Variants in SH3RF3 observed in about 807,000 individuals in gnomAD.
SH3RF3 encodes E3 ubiquitin-protein ligase SH3RF3.
SH3RF3 carries 29 observed loss-of-function variants against 66.3 expected under a neutral mutation model. The ratio of observed to expected loss-of-function variants is 0.44; its 90% CI spans 0.33 to 0.60. SH3RF3 has a LOEUF of 0.60. SH3RF3 is among the 20% of genes least tolerant of loss of function. The pLI, the probability that SH3RF3 is intolerant of heterozygous loss-of-function variation, is 0.04. For missense variants in SH3RF3, 1,194 were observed against 1,190.9 expected (o/e 1.00, Z -0.04); for synonymous variants, 583 against 532.0 (o/e 1.10, Z -1.32).
At chr2:109,289,266 A>G (rs919181511) in intron 1 of SH3RF3, among the ~76,000 whole-genome samples, 1 of 152,208 alleles carries the variant, frequency 6.6e-6, no homozygotes, top group Non-Finnish European at 1.5e-5. Flanking sequence ...ATTATCACCC[A>G]CTGGCTGGGG....
chr2:109,242,878 A>G (rs1679819925), intron 1 of SH3RF3, among the ~76,000 whole-genome samples: 2 of 152,210 alleles, frequency 1.3e-5, no homozygotes, highest in African/African-American at 4.8e-5. Context: ...ATTCTCACAA[A>G]GGGAACAGGC....
chr2:109,201,472 CTCTT>C (rs1321771892), intron 1 of SH3RF3, among the ~76,000 whole-genome samples: 2 of 152,184 alleles, frequency 1.3e-5, no homozygotes, highest in Non-Finnish European at 2.9e-5. Flanking sequence ...ACCTCTCTCT[CTCTT>C]ATCTCTCTCT....
At chr2:109,208,759 G>C (rs1678898021) in intron 1 of SH3RF3, among the ~76,000 whole-genome samples, 1 of 152,236 alleles carries the variant, frequency 6.6e-6, no homozygotes, top group East Asian at 1.9e-4. Flanking sequence ...CAGAGGAAGT[G>C]AGGTCAAGGG....
At chr2:109,187,410 G>A (rs996814356) in intron 1 of SH3RF3, among the ~76,000 whole-genome samples, 1 of 151,680 alleles carries the variant, frequency 6.6e-6, no homozygotes, top group Non-Finnish European at 1.5e-5. Flanking sequence ...TGGTGCTTAA[G>A]GCCGCACACA....
chr2:109,259,412 A>G (rs1237298772), intron 1 of SH3RF3, among the ~76,000 whole-genome samples: 1 of 151,928 alleles, frequency 6.6e-6, no homozygotes, highest in African/African-American at 2.4e-5. Flanking sequence ...CTCCAGGTCT[A>G]CTCTGTTGTG....
chr2:109,216,010 A>G (rs764631352), intron 1 of SH3RF3, among the ~76,000 whole-genome samples: 2 of 152,160 alleles, frequency 1.3e-5, no homozygotes, highest in African/African-American at 4.8e-5. Flanking sequence ...TCCCATGGCC[A>G]TGACTGCACC....
At chr2:109,461,765 G>A (rs1378001998) in intron 8 of SH3RF3, among the ~76,000 whole-genome samples, 1 of 152,212 alleles carries the variant, frequency 6.6e-6, no homozygotes, top group Non-Finnish European at 1.5e-5. Context: ...GGGTCATGTG[G>A]CCCAAGTGGT....
intron 1 of SH3RF3, among the ~76,000 whole-genome samples, chr2:109,202,808 G>A (rs1318470947): frequency 6.6e-6 from 1 of 152,188 alleles, no homozygotes; most frequent in Non-Finnish European, 1.5e-5. Flanking sequence ...AAAGGGGGTC[G>A]AGAGCCCCAT....
At chr2:109,314,411 G>T (rs1021302866) in intron 1 of SH3RF3, among the ~76,000 whole-genome samples, 1 of 152,178 alleles carries the variant, frequency 6.6e-6, no homozygotes. Flanking sequence ...CCCTGCCTTG[G>T]TATAGCCAGG....
At chr2:109,322,982 G>A (rs929676032) in intron 1 of SH3RF3, among the ~76,000 whole-genome samples, 33 of 152,230 alleles carry the variant, frequency 2.2e-4, no homozygotes, top group African/African-American at 8.0e-4. Flanking sequence ...ATCTGACTGT[G>A]GGCAAGGCTG....
At chr2:109,140,799 T>C (rs1054127145) in intron 1 of SH3RF3, among the ~76,000 whole-genome samples, 3 of 152,206 alleles carry the variant, frequency 2.0e-5, no homozygotes, top group Admixed American at 6.5e-5. Context: ...AAAGGTAACA[T>C]CTCCTCTGTG....
At chr2:109,370,543 G>A (rs1243148232) in intron 2 of SH3RF3, among the ~76,000 whole-genome samples, 5 of 152,072 alleles carry the variant, frequency 3.3e-5, no homozygotes, top group African/African-American at 1.2e-4. Context: ...CCGGCCATCT[G>A]TCTCTCTTGA....
chr2:109,239,197 C>G (rs1476387392), intron 1 of SH3RF3, among the ~76,000 whole-genome samples: 2 of 152,096 alleles, frequency 1.3e-5, no homozygotes, highest in Non-Finnish European at 2.9e-5. Context: ...GAGCCCTGCA[C>G]AGTGCTCCGA....
intron 1 of SH3RF3, among the ~76,000 whole-genome samples, chr2:109,328,559 G>A (rs565357311): frequency 6.6e-6 from 1 of 152,306 alleles, no homozygotes; most frequent in South Asian, 2.1e-4. Flanking sequence ...GTGAGCCTCT[G>A]ATTTCGACAG....
In SH3RF3 at chr2:109,466,072, C is replaced by CTTTT. The variant is rs1171998206; in HGVS notation, c.2148+16605_2148+16608dup. ...ATATGCTTATCTGCTACCTGTACAT[C>CTTTT]TTTTTTTTTTTTTTTTTTTTTTTTT... On this transcript the variant is annotated intron_variant, in intron 8 of 9. Transcript: ENST00000309415. Among the ~76,000 whole-genome samples the CTTTT allele has an allele frequency of 6.6e-3, 543 of 82,400 alleles. 5 individuals are homozygous for CTTTT. The highest frequency in any genetic ancestry group is 0.013 in the Middle Eastern group (1 of 78). The allele number at this position is 82,400 out of a possible 152,430, so 54.1% of individuals were successfully genotyped here. A position where few individuals can be genotyped will look rare whatever the true frequency, so the allele number is the denominator to read the frequency against.
chr2:109,219,413 C>A (rs1333325521), intron 1 of SH3RF3, among the ~76,000 whole-genome samples: 1 of 151,952 alleles, frequency 6.6e-6, no homozygotes, highest in Non-Finnish European at 1.5e-5. Context: ...GGAGGAAGAA[C>A]AGCCATTTTT....
intron 1 of SH3RF3, among the ~76,000 whole-genome samples, chr2:109,248,124 T>G (rs1209274622): frequency 6.6e-6 from 1 of 152,250 alleles, no homozygotes; most frequent in Non-Finnish European, 1.5e-5. Context: ...GTCCACTGCC[T>G]GTTTTCTTTT....
chr2:109,393,351 C>T (rs971385407), intron 3 of SH3RF3, among the ~76,000 whole-genome samples: 1 of 152,224 alleles, frequency 6.6e-6, no homozygotes, highest in South Asian at 2.1e-4. Context: ...ACAACAATGG[C>T]ATCTGCAAAG....
At chr2:109,371,216 C>T (rs1683264311) in intron 2 of SH3RF3, among the ~76,000 whole-genome samples, 1 of 152,196 alleles carries the variant, frequency 6.6e-6, no homozygotes, top group Non-Finnish European at 1.5e-5. Flanking sequence ...TGGCAAGACA[C>T]CATCTCTACC....
Sources: gnomAD v4.1 joint callset for allele counts (sites outside exome capture counted in the v4.1 genomes callset) on GRCh38, gnomAD v4.1.1 for gene constraint, MANE v1.5 for transcripts, NCBI Gene and HGNC (gene_info 2026-07-23, HGNC 2026-07-21) for gene names.